ATP11C: variants seen among roughly 807,000 people sequenced by gnomAD.
ATP11C encodes phospholipid-transporting ATPase IG.
Under a neutral mutation model 97.4 loss-of-function variants are expected in ATP11C, and 36 were observed. The observed-to-expected ratio is 0.37, with a 90% CI of 0.28 to 0.49. ATP11C has a LOEUF of 0.49. ATP11C is among the 20% of genes least tolerant of loss of function. ATP11C has a pLI of 0.98. For synonymous variants in ATP11C, 275 were observed against 290.9 expected, an observed-to-expected ratio of 0.95 and a Z score of 0.56; for missense variants, 730 against 824.6, an observed-to-expected ratio of 0.89 and a Z score of 1.40.
chrX:139,886,368 A>T (rs1443987396), intron 1 of ATP11C, among the ~76,000 whole-genome samples: 3 of 110,992 alleles, frequency 2.7e-5, no homozygotes, highest in Admixed American at 9.7e-5. Context: ...AGGTGGGCAG[A>T]TCACGAGGTC....
chrX:139,771,269 T>C (rs757693554), intron 19 of ATP11C, among the ~76,000 whole-genome samples: 1 of 111,704 alleles, frequency 9.0e-6, no homozygotes, highest in Non-Finnish European at 1.9e-5. Context: ...ACCGTAGCCA[T>C]GTAAGAAGTG....
intron 10 of ATP11C, among the ~76,000 whole-genome samples, chrX:139,797,673 C>T (rs998775448): frequency 2.7e-5 from 3 of 111,300 alleles, no homozygotes; most frequent in African/African-American, 9.8e-5. Flanking sequence ...GTCTCCATTT[C>T]CCTGAATCCT....
chrX:139,766,362 A>G (rs1485509606), intron 20 of ATP11C, among the ~76,000 whole-genome samples: 3 of 112,085 alleles, frequency 2.7e-5, no homozygotes, highest in African/African-American at 6.5e-5. Context: ...GAGCAATTTG[A>G]GCAGCATACA....
chrX:139,794,567 G>C (rs1453521645), intron 12 of ATP11C, among the ~76,000 whole-genome samples: 4 of 111,759 alleles, frequency 3.6e-5, no homozygotes, highest in Admixed American at 2.9e-4. Context: ...GGTTTGGTGG[G>C]AGAAAGGAGT....
chrX:139,810,261 G>A (rs990133210), intron 5 of ATP11C, among the ~76,000 whole-genome samples: 2 of 111,365 alleles, frequency 1.8e-5, no homozygotes, highest in African/African-American at 6.5e-5. Flanking sequence ...TTCGACACCA[G>A]CCTGACCAAC....
At chrX:139,769,064 T>C (rs2082194927) in intron 19 of ATP11C, among the ~76,000 whole-genome samples, 1 of 107,329 alleles carries the variant, frequency 9.3e-6, no homozygotes, top group Non-Finnish European at 1.9e-5. Context: ...TATATTCTTT[T>C]ACTGGTTCTA....
chrX:139,819,937 G>C, intron 2 of ATP11C, among the ~76,000 whole-genome samples: 1 of 112,053 alleles, frequency 8.9e-6, no homozygotes, highest in Non-Finnish European at 1.9e-5. Flanking sequence ...TGTAATCCCA[G>C]CACTCTGGGA....
intron 1 of ATP11C, among the ~76,000 whole-genome samples, chrX:139,867,765 A>G (rs1391137891): frequency 8.9e-6 from 1 of 112,046 alleles, no homozygotes; most frequent in Non-Finnish European, 1.9e-5. Context: ...GAATGGGGTG[A>G]CTGAGTGACC....
At position 139,737,922 on chromosome X, in the gene ATP11C, A is replaced by ACTT. The variant is rs769874368; in HGVS notation, c.3279_3281dup (p.Arg1093dup). 8.3e-7 allele frequency: 1 copy of ACTT among 1,201,981 alleles called. No homozygotes were observed. The highest frequency in any genetic ancestry group is 1.1e-6 in the Non-Finnish European group (1 of 890,596). On this transcript the variant is annotated inframe_insertion, in exon 28 of 30. Transcript: ENST00000682941. ...AGATAAACTTAGTTCTTACCCTGGC[A>ACTT]CTTCTTCTTCTTACATTCTTTAATA...
intron 1 of ATP11C, among the ~76,000 whole-genome samples, chrX:139,829,535 G>A (rs2083600749): frequency 1.8e-5 from 2 of 111,515 alleles, no homozygotes; most frequent in African/African-American, 6.5e-5. Flanking sequence ...TGGATGGCAC[G>A]CAGTGTAGTC....
At chrX:139,892,153 G>A (rs1302969185) in intron 1 of ATP11C, among the ~76,000 whole-genome samples, 2 of 111,284 alleles carry the variant, frequency 1.8e-5, no homozygotes, top group African/African-American at 6.5e-5. Context: ...TACTGCACCC[G>A]GCCTAGTAAT....
chrX:139,742,888 T>A (rs1339377822), intron 26 of ATP11C, among the ~76,000 whole-genome samples: 23 of 3,050 alleles, frequency 7.5e-3, no homozygotes, highest in African/African-American at 9.0e-3. Context: ...TATATATATA[T>A]ATATATATAT....
chrX:139,787,172 C>T lies in ATP11C; in HGVS notation c.1592+1G>A. ...CAAACATCAAACACAGAGCTACTTACTCTTCTATTTCTTTTCTTTGGTTCT... is the reference window on the plus strand; with the variant it reads ...CAAACATCAAACACAGAGCTACTTATTCTTCTATTTCTTTTCTTTGGTTCT... On this transcript the variant is annotated splice_donor_variant, in intron 15 of 29. Transcript: ENST00000682941. LOFTEE classifies it high-confidence loss of function. 3.3e-6 allele frequency: 4 copies of T among 1,206,075 alleles called. No homozygotes were observed. Among genetic ancestry groups the T allele is most frequent in the Non-Finnish European group, 4.5e-6 (4 of 890,826 alleles).
chrX:139,781,541 C>T (rs766761571), intron 18 of ATP11C, among the ~76,000 whole-genome samples: 4 of 111,250 alleles, frequency 3.6e-5, no homozygotes, highest in African/African-American at 6.5e-5. Context: ...GGCGAAACCC[C>T]GCCTCTACTA....
intron 6 of ATP11C, among the ~76,000 whole-genome samples, chrX:139,803,966 G>A (rs757765675): frequency 2.7e-5 from 3 of 110,010 alleles, no homozygotes; most frequent in Non-Finnish European, 5.7e-5. Context: ...CTCCCAAAGT[G>A]CTAGGATTAC....
intron 1 of ATP11C, chrX:139,832,121 T>C: frequency 8.3e-7 from 1 of 1,197,890 alleles, no homozygotes; most frequent in South Asian, 1.8e-5. Flanking sequence ...CCAACCTGGC[T>C]GAAAAGAGGA....
rs193029208 is a variant in ATP11C at position 139,803,921 on chromosome X, G to A, written c.555+550C>T. On this transcript the variant is annotated intron_variant, in intron 6 of 29. Transcript: ENST00000682941. ...TCACCATGTTGGCCAGGCTGGTTTCGAACTGCTGAACTCAAATGATCCGTC... is the reference window on the plus strand; with the variant it reads ...TCACCATGTTGGCCAGGCTGGTTTCAAACTGCTGAACTCAAATGATCCGTC... Among the ~76,000 whole-genome samples the A allele has an allele frequency of 5.3e-3, 571 of 107,904 alleles. 10 individuals carry two copies. The highest frequency in any genetic ancestry group is 0.017 in the African/African-American group (518 of 29,655). The allele number at this position is 107,904 out of a possible 115,157, so 93.7% of individuals were successfully genotyped here.
intron 1 of ATP11C, among the ~76,000 whole-genome samples, chrX:139,912,509 T>G (rs1198378770): frequency 1.8e-5 from 2 of 111,180 alleles, no homozygotes; most frequent in Non-Finnish European, 3.8e-5. Flanking sequence ...CATTTTTAAA[T>G]GACAGTTTCT....
chrX:139,927,930 T>C (rs1038177875), intron 1 of ATP11C, among the ~76,000 whole-genome samples: 2 of 111,583 alleles, frequency 1.8e-5, no homozygotes, highest in African/African-American at 6.5e-5. Flanking sequence ...ATTTATGGGA[T>C]ACATACAAAA....
Sources: gnomAD v4.1 joint callset for allele counts (sites outside exome capture counted in the v4.1 genomes callset) on GRCh38, gnomAD v4.1.1 for gene constraint, MANE v1.5 for transcripts, NCBI Gene and HGNC (gene_info 2026-07-23, HGNC 2026-07-21) for gene names.